MACO1: variants seen among roughly 807,000 people sequenced by gnomAD.
The protein encoded by MACO1 is macoilin 1.
MACO1 carries 14 observed loss-of-function variants against 78.7 expected under a neutral mutation model. The observed-to-expected ratio is 0.18, with a 90% CI of 0.12 to 0.28. MACO1 has a LOEUF of 0.28. Ranked by LOEUF, MACO1 falls within the 10% of genes least tolerant of loss-of-function variation. The pLI, the probability that MACO1 is intolerant of heterozygous loss-of-function variation, is 1.00. For synonymous variants in MACO1, 288 were observed against 291.6 expected (o/e 0.99, Z 0.12); for missense variants, 501 against 799.0 (o/e 0.63, Z 4.50).
intron 8 of MACO1, among the ~76,000 whole-genome samples, chr1:25,487,136 T>C (rs916514164): frequency 3.9e-5 from 6 of 152,150 alleles, no homozygotes; most frequent in Non-Finnish European, 8.8e-5. Flanking sequence ...GGATAGTCCT[T>C]GTTTTTCATA....
At chr1:25,437,989 C>T (rs2042934500) in intron 1 of MACO1, among the ~76,000 whole-genome samples, 1 of 151,870 alleles carries the variant, frequency 6.6e-6, no homozygotes, top group African/African-American at 2.4e-5. Flanking sequence ...AGGCGTGAGC[C>T]ACCATAATCA....
chr1:25,472,808 G>A (rs558807847), intron 6 of MACO1, among the ~76,000 whole-genome samples: 150 of 152,250 alleles, frequency 9.9e-4, no homozygotes, highest in African/African-American at 3.2e-3. Context: ...GAGTGATGGC[G>A]ACCACAGCCG....
At chr1:25,483,604 C>G (rs2043400789) in intron 6 of MACO1, among the ~76,000 whole-genome samples, 1 of 152,206 alleles carries the variant, frequency 6.6e-6, no homozygotes, top group Non-Finnish European at 1.5e-5. Flanking sequence ...GAACGTCATT[C>G]AGCAAGGATG....
intron 3 of MACO1, among the ~76,000 whole-genome samples, chr1:25,451,767 A>G (rs1026498112): frequency 6.6e-6 from 1 of 151,854 alleles, no homozygotes; most frequent in Non-Finnish European, 1.5e-5. Flanking sequence ...TTAGCCAGGC[A>G]TGGTGGTGTG....
intron 1 of MACO1, among the ~76,000 whole-genome samples, chr1:25,437,836 A>C (rs1210061250): frequency 6.6e-6 from 1 of 152,132 alleles, no homozygotes; most frequent in Non-Finnish European, 1.5e-5. Flanking sequence ...CGGGAGGATC[A>C]CGTGAGCCCA....
At chr1:25,436,088 G>C (rs1255495898) in intron 1 of MACO1, among the ~76,000 whole-genome samples, 53 of 152,030 alleles carry the variant, frequency 3.5e-4, no homozygotes, top group Admixed American at 3.5e-3. Flanking sequence ...TCTTCACATC[G>C]ATTCCTCATG....
chr1:25,484,397 G>A (rs2043409867), intron 7 of MACO1, 123 bp downstream of exon 7: 1 of 960,634 alleles, frequency 1.0e-6, no homozygotes, highest in South Asian at 2.6e-5. Flanking sequence ...TAAATAAAAT[G>A]TTTAAAATAC....
intron 1 of MACO1, among the ~76,000 whole-genome samples, chr1:25,435,121 G>A (rs1177482144): frequency 6.6e-6 from 1 of 152,122 alleles, no homozygotes; most frequent in Non-Finnish European, 1.5e-5. Context: ...AATATAATAC[G>A]AATTTTAAGT....
chr1:25,437,899 C>A (rs531481650), intron 1 of MACO1, among the ~76,000 whole-genome samples: 2 of 151,900 alleles, frequency 1.3e-5, no homozygotes, highest in Non-Finnish European at 2.9e-5. Context: ...CCAGCCTGGG[C>A]AATAGAGCAA....
At chr1:25,481,086 C>T (rs1438797084) in intron 6 of MACO1, among the ~76,000 whole-genome samples, 1 of 150,848 alleles carries the variant, frequency 6.6e-6, no homozygotes, top group Non-Finnish European at 1.5e-5. Context: ...TCTAAAATTT[C>T]GCTCAGAATA....
chr1:25,470,710 A>G (rs1022096896), intron 6 of MACO1, among the ~76,000 whole-genome samples: 4 of 152,220 alleles, frequency 2.6e-5, no homozygotes, highest in African/African-American at 9.6e-5. Context: ...AGCAAAACAG[A>G]TTGTATAGTA....
At chr1:25,480,929 A>AAAAAAATATATAT (rs1553166539) in intron 6 of MACO1, among the ~76,000 whole-genome samples, 3 of 47,910 alleles carry the variant, frequency 6.3e-5, no homozygotes, top group Non-Finnish European at 1.0e-4. Flanking sequence ...AAAAAAAAAA[A>AAAAAAATATATAT]ATATATATAT....
intron 2 of MACO1, among the ~76,000 whole-genome samples, chr1:25,447,798 A>G (rs1428142782): frequency 6.6e-6 from 1 of 152,156 alleles, no homozygotes; most frequent in East Asian, 1.9e-4. Flanking sequence ...CCACATTTAG[A>G]CAGCTGCTGG....
chr1:25,473,366 GCAAA>G (rs1156653175), intron 6 of MACO1, among the ~76,000 whole-genome samples: 7 of 152,118 alleles, frequency 4.6e-5, no homozygotes, highest in East Asian at 1.9e-4. Context: ...GTGAATTTAA[GCAAA>G]CAGTTTACCG....
At position 25,449,785 on chromosome 1, in the gene MACO1, G is replaced by C. The variant is rs183375043; in HGVS notation, c.349+851G>C. On this transcript the variant is annotated intron_variant, in intron 3 of 10. Coordinates refer to ENST00000374343, the MANE Select transcript of MACO1 (RefSeq NM_018202.6). The stretch of plus-strand genomic sequence containing the variant: ...TGTAATCCCAGCACTTTGGGAGGCT[G>C]AGGCAGGCAGATCACCTGAGGTCAG... 1.9e-3 allele frequency among the ~76,000 whole-genome samples: 286 copies of C among 152,330 alleles called. 2 individuals are homozygous for C. The highest frequency in any genetic ancestry group is 1.9e-3 in the Non-Finnish European group (127 of 68,026).
intron 6 of MACO1, among the ~76,000 whole-genome samples, chr1:25,460,879 C>T (rs1230095216): frequency 6.6e-6 from 1 of 152,054 alleles, no homozygotes; most frequent in Non-Finnish European, 1.5e-5. Context: ...GAACTACTTA[C>T]TATCAAATGA....
At position 25,456,740 on chromosome 1, in the gene MACO1, A is replaced by G; in HGVS notation, c.561A>G (p.Gln187=). 2 of 1,614,120 alleles carry G rather than the reference A, an allele frequency of 1.2e-6. No homozygotes were observed. Among genetic ancestry groups the G allele is most frequent in the Non-Finnish European group, 1.7e-6 (2 of 1,179,990 alleles). Residue 187 remains glutamine (Q), a synonymous_variant, in exon 5 of 11, where the codon CAA becomes CAG. Transcript: ENST00000374343. ...KMRLRKQKEV[Q]KENEFYMQLL... ...GGTTAAGGAAGCAAAAAGAAGTACA[A>G]AAAGAGAACGAGTTTTACATGCAAC...
chr1:25,446,855 C>G lies in MACO1; in HGVS notation c.174C>G (p.Phe58Leu). 6.2e-7 allele frequency: 1 copy of G among 1,613,910 alleles called. No individual in the cohort carries two copies. The highest frequency in any genetic ancestry group is 1.3e-5 in the African/African-American group (1 of 75,004). The stretch of plus-strand genomic sequence containing the variant: ...TCAGATTTGAATACCTGTGGCCATT[C>G]TGGCTTTTCATCAGAAGCGTCTATG... Reference protein sequence around the residue: ...LEFRFEYLWPFWLFIRSVYDS... With the variant: ...LEFRFEYLWPLWLFIRSVYDS... Residue 58 changes from phenylalanine (F) to leucine (L), a missense_variant, in exon 2 of 11, where the codon TTC becomes TTG. By Grantham distance (22) the Phe-to-Leu change is conservative. This residue lies in a region of MACO1 where 171 missense variants were observed against 292.1 expected (regional missense o/e 0.59). Transcript: ENST00000374343.
intron 6 of MACO1, among the ~76,000 whole-genome samples, chr1:25,464,783 A>G (rs1030517818): frequency 1.3e-5 from 2 of 151,184 alleles, no homozygotes; most frequent in African/African-American, 4.9e-5. Flanking sequence ...TAGCCTCCCA[A>G]GTAGCTTGGA....
Sources: gnomAD v4.1 joint callset for allele counts (sites outside exome capture counted in the v4.1 genomes callset) on GRCh38, gnomAD v4.1.1 for gene constraint, gnomAD v4.1.1 regional missense constraint, MANE v1.5 for transcripts, NCBI Gene and HGNC (gene_info 2026-07-23, HGNC 2026-07-21) for gene names.